The following GTF3C3 variants were observed in gnomAD, a reference collection of about 807,000 sequenced individuals.
The protein encoded by GTF3C3 is general transcription factor 3C polypeptide 3.
GTF3C3 carries 75 observed loss-of-function variants against 105.2 expected under a neutral mutation model. The observed-to-expected ratio is 0.71, with a 90% CI of 0.59 to 0.86. GTF3C3 has a LOEUF of 0.86. Ranked by LOEUF, GTF3C3 falls within the 40% of genes least tolerant of loss-of-function variation. The pLI, the probability that GTF3C3 is intolerant of heterozygous loss-of-function variation, is 0.00. For missense variants in GTF3C3, 856 were observed against 1,076.5 expected (o/e 0.80, Z 2.87); for synonymous variants, 335 against 370.4 (o/e 0.90, Z 1.10).
chr2:196,798,564 A>G (rs1454626822), intron 1 of GTF3C3, among the ~76,000 whole-genome samples: 1 of 151,806 alleles, frequency 6.6e-6, no homozygotes, highest in Non-Finnish European at 1.5e-5. Context: ...ATAAGTCCCT[A>G]CTACTCGCAT....
At chr2:196,797,507 C>A (rs1406720468) in intron 2 of GTF3C3, among the ~76,000 whole-genome samples, 1 of 152,180 alleles carries the variant, frequency 6.6e-6, no homozygotes, top group African/African-American at 2.4e-5. Flanking sequence ...TGATTAGTTA[C>A]CAACTGAGAG....
intron 5 of GTF3C3, 129 bp downstream of exon 5, chr2:196,789,750 C>T: frequency 3.3e-6 from 2 of 614,314 alleles, no homozygotes; most frequent in Non-Finnish European, 5.5e-6. Flanking sequence ...ATACTTACCT[C>T]TAGAGCAACA....
chr2:196,788,798 C>T (rs1699496166), intron 6 of GTF3C3, among the ~76,000 whole-genome samples: 1 of 152,060 alleles, frequency 6.6e-6, no homozygotes, highest in Admixed American at 6.6e-5. Flanking sequence ...GGCACGGTGG[C>T]TCATATGTGT....
chr2:196,791,734 G>A, intron 3 of GTF3C3: 1 of 283,768 alleles, frequency 3.5e-6, no homozygotes, highest in Non-Finnish European at 6.8e-6. Flanking sequence ...CCAGGAGTTG[G>A]AGACCAGCCT....
Position 196,778,983 on chromosome 2 carries a change from C to T in GTF3C3, c.1303G>A (p.Gly435Ser), listed in dbSNP as rs771639168. The T allele has an allele frequency of 1.2e-6, 2 of 1,613,560 alleles. No homozygotes were observed. Among genetic ancestry groups the T allele is most frequent in the East Asian group, 2.2e-5 (1 of 44,876 alleles). The change falls in exon 10 of 18, where the codon GGT (glycine) becomes AGT (serine). Residue 435 changes from glycine to serine, a missense_variant. Coordinates refer to ENST00000263956, the MANE Select transcript of GTF3C3 (RefSeq NM_012086.5). ...AGGGGAAGTGCAGAATTATATTCAC[C>T]AACATCCAGAAAAGCTTCAGCAACA... The part of the protein sequence containing the change: ...LDVAEAFLDV[G>S]EYNSALPLLS...
Position 196,764,514 on chromosome 2 carries a change from C to T in GTF3C3, c.*49G>A. On this transcript the variant is annotated 3_prime_UTR_variant, in exon 18 of 18. Coordinates refer to ENST00000263956, the MANE Select transcript of GTF3C3 (RefSeq NM_012086.5). ...ATAATAAGCCCTGAGACAGAAGACA[C>T]TGGTCCTCACACAGCAGCTGCCATT... 1 of 1,542,968 alleles carries T rather than the reference C, an allele frequency of 6.5e-7. No individual in the cohort carries two copies. The highest frequency in any genetic ancestry group is 8.8e-7 in the Non-Finnish European group (1 of 1,135,300).
chr2:196,770,110 G>A, intron 15 of GTF3C3, 71 bp from the exon 16 acceptor site: 1 of 1,315,848 alleles, frequency 7.6e-7, no homozygotes, highest in Non-Finnish European at 1.0e-6. Flanking sequence ...CACTTTTAAG[G>A]CCAAACATTA....
chr2:196,781,357 A>AAAAAAAAAAAAAAAAAAAAAATAT, intron 8 of GTF3C3, among the ~76,000 whole-genome samples: 1 of 18,824 alleles, frequency 5.3e-5, no homozygotes, highest in Non-Finnish European at 1.5e-4. Flanking sequence ...AAAAAAAAAA[A>AAAAAAAAAAAAAAAAAAAAAATAT]ATATATATAT....
chr2:196,780,681 A>G lies in GTF3C3; in HGVS notation c.1115-19T>C. The G allele has an allele frequency of 6.2e-7, 1 of 1,605,832 alleles. No homozygotes were observed. On this transcript the variant is annotated intron_variant, in intron 8 of 17. Transcript: ENST00000263956. Reference sequence around the variant, plus strand: ...TCAGGAGCTGGAGAATACACAGACAAGAAGCAGTTACTATATGCAAGCTTG... The same window carrying G: ...TCAGGAGCTGGAGAATACACAGACAGGAAGCAGTTACTATATGCAAGCTTG...
Position 196,786,626 on chromosome 2 carries a change from A to C in GTF3C3, c.894-1038T>G, listed in dbSNP as rs1403091542. The stretch of plus-strand genomic sequence containing the variant: ...ATTGTCTCTTCCCTCACAAATCTTC[A>C]ACGTGTCCCTCAATTTTTGATTACT... On this transcript the variant is annotated intron_variant, in intron 6 of 17. Coordinates refer to ENST00000263956, the MANE Select transcript of GTF3C3 (RefSeq NM_012086.5). This position sits in a 1 kb window ranked among gnomAD's most constrained non-coding sequence, Gnocchi z 4.2. Among the ~76,000 whole-genome samples the C allele has an allele frequency of 6.6e-6, 1 of 152,080 alleles. No homozygotes were observed. The highest frequency in any genetic ancestry group is 6.6e-5 in the Admixed American group (1 of 15,250).
In GTF3C3 at chr2:196,791,436, G is replaced by C. The variant is rs1201201073; in HGVS notation, c.436C>G (p.Pro146Ala). ...MKEKRPRSKL[P>A]RALRGLMGEA... Reference sequence around the variant, plus strand: ...CCCATGAGACCTCTCAGAGCTCTGGGAAGTTTACTCCGAGGCCTTTTCTCC... The same window carrying C: ...CCCATGAGACCTCTCAGAGCTCTGGCAAGTTTACTCCGAGGCCTTTTCTCC... The change falls in exon 4 of 18, where the codon CCC (proline) becomes GCC (alanine). Residue 146 changes from proline to alanine, a missense_variant. This residue lies in a region of GTF3C3 where 605 missense variants were observed against 833.6 expected (regional missense o/e 0.73). Coordinates refer to ENST00000263956, the MANE Select transcript of GTF3C3 (RefSeq NM_012086.5). The C allele has an allele frequency of 6.2e-7, 1 of 1,613,666 alleles. No homozygotes were observed. Among genetic ancestry groups the C allele is most frequent in the Admixed American group, 1.7e-5 (1 of 60,004 alleles).
intron 8 of GTF3C3, among the ~76,000 whole-genome samples, chr2:196,781,363 T>A (rs369605656): frequency 0.069 from 5,751 of 83,776 alleles, 597 homozygotes; most frequent in African/African-American, 0.22. Context: ...AAAAAATATA[T>A]ATATATATAT....
chr2:196,798,258 C>T (rs750803880), intron 1 of GTF3C3, among the ~76,000 whole-genome samples: 1 of 152,108 alleles, frequency 6.6e-6, no homozygotes, highest in East Asian at 1.9e-4. Context: ...GACTTGGTGG[C>T]TCACATCTGT....
intron 1 of GTF3C3, among the ~76,000 whole-genome samples, chr2:196,798,777 G>A (rs551522247): frequency 1.2e-3 from 172 of 146,724 alleles, no homozygotes; most frequent in African/African-American, 4.2e-3. Flanking sequence ...CAGGAGAATC[G>A]CTTGAAACCA....
intron 1 of GTF3C3, among the ~76,000 whole-genome samples, chr2:196,798,519 G>A (rs1435076121): frequency 1.3e-5 from 2 of 151,462 alleles, no homozygotes; most frequent in Non-Finnish European, 2.9e-5. Flanking sequence ...GCCAGACTCT[G>A]TCTGAAAATA....
rs748640443 is a variant in GTF3C3, at chr2:196,771,753, G to A, written c.2255C>T (p.Ala752Val). 3.1e-5 allele frequency: 49 copies of A among 1,604,654 alleles called. No homozygotes were observed. Among genetic ancestry groups the A allele is most frequent in the Non-Finnish European group, 3.9e-5 (46 of 1,171,538 alleles). The change falls in exon 15 of 18, where the codon GCG becomes GTG. Residue 752 changes from alanine to valine, a missense_variant. By Grantham distance (64) the Ala-to-Val change is moderately conservative. This residue lies in a region of GTF3C3 where 605 missense variants were observed against 833.6 expected (regional missense o/e 0.73). Coordinates refer to ENST00000263956, the MANE Select transcript of GTF3C3 (RefSeq NM_012086.5). ...TCACGTGCCAGGACACTTACCAAGC[G>A]CATGCTTAAAACTACCAGATACAAA... ...NAFVSGSFKH[A>V]LGQYVQAFRT...
At chr2:196,784,572 T>C (rs1699420872) in intron 8 of GTF3C3, among the ~76,000 whole-genome samples, 1 of 152,138 alleles carries the variant, frequency 6.6e-6, no homozygotes, top group Admixed American at 6.5e-5. Context: ...TAAACTTCAG[T>C]AATTCGTTTT....
intron 14 of GTF3C3, among the ~76,000 whole-genome samples, chr2:196,772,582 C>A (rs987254223): frequency 6.6e-6 from 1 of 151,988 alleles, no homozygotes; most frequent in Non-Finnish European, 1.5e-5. Context: ...ATAATAATTG[C>A]CAGGCATTAT....
Position 196,773,125 on chromosome 2 carries a change from C to G in GTF3C3, c.1860G>C (p.Leu620Phe). ...GAAGATTCCACCAGTCATCCTTTGTCAAGACGCTTGTGAGCACAGCAAATA... is the reference window on the plus strand; with the variant it reads ...GAAGATTCCACCAGTCATCCTTTGTGAAGACGCTTGTGAGCACAGCAAATA... ...KAIFAVLTSV[L>F]TKDDWWNLLL... Residue 620 changes from leucine (L) to phenylalanine (F), a missense_variant, in exon 14 of 18, where the codon TTG becomes TTC. This residue lies in a region of GTF3C3 where 605 missense variants were observed against 833.6 expected (regional missense o/e 0.73). Transcript: ENST00000263956. 3.1e-6 allele frequency: 5 copies of G among 1,610,218 alleles called. No homozygotes were observed. The highest frequency in any genetic ancestry group is 4.2e-6 in the Non-Finnish European group (5 of 1,177,888).
Sources: allele counts gnomAD v4.1 joint callset (sites outside exome capture counted in the v4.1 genomes callset), GRCh38; gene constraint gnomAD v4.1.1; regional missense constraint gnomAD v4.1.1; non-coding constraint Gnocchi (gnomAD v3.1); transcripts MANE v1.5; gene names NCBI Gene and HGNC (gene_info 2026-07-23, HGNC 2026-07-21).